Variants in CACNG3 observed in about 807,000 individuals in gnomAD.
The protein encoded by CACNG3 is calcium voltage-gated channel auxiliary subunit gamma 3, also known as voltage-dependent calcium channel gamma-3 subunit.
CACNG3 carries 3 observed loss-of-function variants against 28.5 expected under a neutral mutation model. That is an observed-to-expected ratio of 0.11 (90% confidence interval 0.05 to 0.27). The LOEUF is 0.27. CACNG3 is among the 10% of genes least tolerant of loss of function. The pLI is 1.00. For missense variants in CACNG3, 236 were observed against 414.4 expected, an observed-to-expected ratio of 0.57 and a Z score of 3.74; for synonymous variants, 174 against 162.2, an observed-to-expected ratio of 1.07 and a Z score of -0.55.
At chr16:24,289,526 G>A (rs776034465) in intron 1 of CACNG3, among the ~76,000 whole-genome samples, 8 of 152,172 alleles carry the variant, frequency 5.3e-5, no homozygotes, top group Non-Finnish European at 1.0e-4. Flanking sequence ...ATTTCAGAGG[G>A]TTTTGATGAG....
At chr16:24,279,336 C>T (rs12919566) in intron 1 of CACNG3, among the ~76,000 whole-genome samples, 10 of 152,008 alleles carry the variant, frequency 6.6e-5, no homozygotes, top group Non-Finnish European at 1.0e-4. Flanking sequence ...CTCTGTTGGC[C>T]GGGCTGGAGT....
At chr16:24,353,911 G>T (rs1157875446) in intron 2 of CACNG3, among the ~76,000 whole-genome samples, 1 of 152,146 alleles carries the variant, frequency 6.6e-6, no homozygotes, top group Admixed American at 6.5e-5. Flanking sequence ...TGGGCTCTTA[G>T]GCCGGGTGCA....
chr16:24,335,544 T>C (rs1899691976), intron 1 of CACNG3, among the ~76,000 whole-genome samples: 1 of 152,358 alleles, frequency 6.6e-6, no homozygotes, highest in East Asian at 1.9e-4. Context: ...CTGACTTTTC[T>C]ATTCCTACTG....
At chr16:24,295,735 G>C (rs1265077940) in intron 1 of CACNG3, among the ~76,000 whole-genome samples, 1 of 152,068 alleles carries the variant, frequency 6.6e-6, no homozygotes, top group Non-Finnish European at 1.5e-5. Flanking sequence ...TGTAGTCCCA[G>C]CTACTCTGGA....
At chr16:24,292,518 A>G (rs1190052308) in intron 1 of CACNG3, among the ~76,000 whole-genome samples, 2 of 152,128 alleles carry the variant, frequency 1.3e-5, no homozygotes, top group Admixed American at 6.5e-5. Context: ...TCCTTGCATC[A>G]TCATCCCTGG....
intron 1 of CACNG3, among the ~76,000 whole-genome samples, chr16:24,329,801 A>C (rs568370979): frequency 6.6e-6 from 1 of 152,322 alleles, no homozygotes; most frequent in South Asian, 2.1e-4. Context: ...TTGGGAGGCC[A>C]AGGCAGGTGG....
rs780262576 is a variant in CACNG3 at position 24,330,053 on chromosome 16, TAAAAG to T, written c.212-16672_212-16668del. On this transcript the variant is annotated intron_variant, in intron 1 of 3. Coordinates refer to ENST00000005284, the MANE Select transcript of CACNG3 (RefSeq NM_006539.4). ...CTGTGTCTCAAAAAAAAAGAAAAAA[TAAAAG>T]AAAAGAAACAACTGGTAGTGTCTGG... Among the ~76,000 whole-genome samples, 3 of 151,266 alleles carry T rather than the reference TAAAAG, an allele frequency of 2.0e-5. No individual in the cohort carries two copies. In the East Asian group the frequency reaches 5.9e-4, roughly 30 times the overall value.
intron 1 of CACNG3, among the ~76,000 whole-genome samples, chr16:24,282,183 G>A (rs1482161878): frequency 6.6e-6 from 1 of 152,170 alleles, no homozygotes; most frequent in Non-Finnish European, 1.5e-5. Context: ...TTCCCATGAG[G>A]AAATGGAGGT....
At chr16:24,308,762 C>T (rs2141363405) in intron 1 of CACNG3, among the ~76,000 whole-genome samples, 1 of 146,128 alleles carries the variant, frequency 6.8e-6, no homozygotes, top group African/African-American at 2.6e-5. Flanking sequence ...ATTGCTTGAG[C>T]CCAGGAGTTC....
At chr16:24,261,345 A>C (rs1898535199) in intron 1 of CACNG3, among the ~76,000 whole-genome samples, 1 of 152,180 alleles carries the variant, frequency 6.6e-6, no homozygotes, top group South Asian at 2.1e-4. Context: ...GCCTCATCTG[A>C]AGGATGACTA....
chr16:24,323,239 AAGAGAGAGAGAG>A (rs35498529), intron 1 of CACNG3, among the ~76,000 whole-genome samples: 1 of 143,026 alleles, frequency 7.0e-6, no homozygotes. Context: ...AAAAAAAAAA[AAGAGAGAGAGAG>A]AAAGAGAGAG....
At chr16:24,346,651 C>A in intron 1 of CACNG3, 83 bp from the exon 2 acceptor site, 1 of 895,322 alleles carries the variant, frequency 1.1e-6, no homozygotes, top group Non-Finnish European at 1.8e-6. Flanking sequence ...GAGAAAGGAT[C>A]TGCACATAGC....
At chr16:24,302,786 A>T (rs966464425) in intron 1 of CACNG3, among the ~76,000 whole-genome samples, 9 of 152,064 alleles carry the variant, frequency 5.9e-5, no homozygotes, top group African/African-American at 2.2e-4. Flanking sequence ...CAGCTGCCCA[A>T]GTAGCTGGGA....
chr16:24,276,231 T>C (rs1234298065), intron 1 of CACNG3, among the ~76,000 whole-genome samples: 3 of 152,230 alleles, frequency 2.0e-5, no homozygotes, highest in Non-Finnish European at 4.4e-5. Flanking sequence ...TTTTTTGTTC[T>C]GGAAAATATA....
At chr16:24,287,556 T>C (rs76134444) in intron 1 of CACNG3, among the ~76,000 whole-genome samples, 1 of 126,674 alleles carries the variant, frequency 7.9e-6, no homozygotes, top group African/African-American at 2.9e-5. Context: ...AAAAAAAAAA[T>C]GTAGACTCTG....
chr16:24,276,563 C>G (rs1197708596), intron 1 of CACNG3, among the ~76,000 whole-genome samples: 1 of 152,206 alleles, frequency 6.6e-6, no homozygotes, highest in African/African-American at 2.4e-5. Flanking sequence ...CTTTTCTTCT[C>G]CAGTGGGAAA....
At chr16:24,276,044 T>C (rs1396558026) in intron 1 of CACNG3, among the ~76,000 whole-genome samples, 1 of 152,206 alleles carries the variant, frequency 6.6e-6, no homozygotes, top group Non-Finnish European at 1.5e-5. Context: ...TCAAAAGCTA[T>C]TCAAATACTG....
chr16:24,315,602 G>GTCTC (rs1214457725), intron 1 of CACNG3, among the ~76,000 whole-genome samples: 1 of 93,160 alleles, frequency 1.1e-5, no homozygotes, highest in South Asian at 3.3e-4. Flanking sequence ...CTCTTTCTTT[G>GTCTC]TCTCTCTTTC....
At chr16:24,303,057 A>T (rs371639439) in intron 1 of CACNG3, among the ~76,000 whole-genome samples, 125 of 150,934 alleles carry the variant, frequency 8.3e-4, no homozygotes, top group African/African-American at 2.9e-3. Context: ...GCTTCCCAAA[A>T]GGTTGGGATA....
Sources: allele counts gnomAD v4.1 joint callset (sites outside exome capture counted in the v4.1 genomes callset), GRCh38; gene constraint gnomAD v4.1.1; transcripts MANE v1.5; gene names NCBI Gene and HGNC (gene_info 2026-07-23, HGNC 2026-07-21).